The following SPAG6 variants were observed in gnomAD, a reference collection of about 807,000 sequenced individuals.
SPAG6 encodes the protein sperm-associated antigen 6.
In SPAG6, 49 loss-of-function variants were observed where a neutral mutation model predicts 58.5. The ratio of observed to expected loss-of-function variants is 0.84; its 90% CI spans 0.67 to 1.06. The LOEUF (loss-of-function observed/expected upper bound fraction) is 1.06, where lower values mean the gene tolerates loss of function less well. SPAG6 is among the 50% of genes least tolerant of loss of function. SPAG6 has a pLI of 0.00. For synonymous variants in SPAG6, 233 were observed against 225.6 expected (o/e 1.03, Z -0.29); for missense variants, 560 against 611.3 (o/e 0.92, Z 0.89).
intron 3 of SPAG6, among the ~76,000 whole-genome samples, chr10:22,365,232 A>C (rs1430448612): frequency 6.6e-6 from 1 of 152,174 alleles, no homozygotes; most frequent in Admixed American, 6.5e-5. Flanking sequence ...TAAGGAGAAA[A>C]TAGATTTTTT....
chr10:22,361,715 A>G (rs1485850604), intron 2 of SPAG6, among the ~76,000 whole-genome samples: 7 of 152,162 alleles, frequency 4.6e-5, no homozygotes, highest in Admixed American at 1.3e-4. Flanking sequence ...TCCCTTGGGT[A>G]TATGGAATAG....
At position 22,387,898 on chromosome 10, in the gene SPAG6, A is replaced by AT; in HGVS notation, c.759dup (p.Pro254SerfsTer12). 1 of 1,613,422 alleles carries AT rather than the reference A, an allele frequency of 6.2e-7. No individual in the cohort carries two copies. The highest frequency in any genetic ancestry group is 8.5e-7 in the Non-Finnish European group (1 of 1,179,702). ...GGCAGAAATGGTTGTTGAAGCAGAG[A>AT]TTTTTCCAGTTGTACTTACCTGTCT... On this transcript the variant is annotated frameshift_variant, in exon 6 of 11. Coordinates refer to ENST00000376624, the MANE Select transcript of SPAG6 (RefSeq NM_012443.4). LOFTEE classifies it high-confidence loss of function.
At chr10:22,358,494 T>G (rs1482872535) in intron 2 of SPAG6, among the ~76,000 whole-genome samples, 1 of 152,208 alleles carries the variant, frequency 6.6e-6, no homozygotes, top group South Asian at 2.1e-4. Flanking sequence ...CTTTGTCAGA[T>G]GAGTAGGTTG....
chr10:22,408,004 C>T (rs1358951007), intron 9 of SPAG6, among the ~76,000 whole-genome samples: 1 of 141,706 alleles, frequency 7.1e-6, no homozygotes, highest in Non-Finnish European at 1.5e-5. Flanking sequence ...CCTTTAAGCA[C>T]TTCTCTGTAT....
intron 2 of SPAG6, among the ~76,000 whole-genome samples, chr10:22,358,029 G>A (rs1398212643): frequency 6.6e-6 from 1 of 151,990 alleles, no homozygotes; most frequent in East Asian, 1.9e-4. Flanking sequence ...ATGGTGAATA[G>A]TGTCGCAATA....
At chr10:22,367,619 A>G (rs996279540) in intron 3 of SPAG6, among the ~76,000 whole-genome samples, 3 of 152,180 alleles carry the variant, frequency 2.0e-5, no homozygotes, top group Admixed American at 2.0e-4. Flanking sequence ...TTAATAACAG[A>G]AAGAGTTAGG....
chr10:22,369,811 G>A (rs1588646295), intron 4 of SPAG6, among the ~76,000 whole-genome samples: 1 of 152,162 alleles, frequency 6.6e-6, no homozygotes, highest in African/African-American at 2.4e-5. Context: ...CAGAGTGGAC[G>A]ATATGACGTG....
At chr10:22,407,551 CT>C (rs1485908274) in intron 9 of SPAG6, among the ~76,000 whole-genome samples, 5 of 152,154 alleles carry the variant, frequency 3.3e-5, no homozygotes, top group African/African-American at 1.2e-4. Flanking sequence ...CCTGACCTTT[CT>C]CTCTGGCTGC....
intron 4 of SPAG6, among the ~76,000 whole-genome samples, chr10:22,377,280 C>A (rs1022165007): frequency 6.6e-6 from 1 of 152,142 alleles, no homozygotes; most frequent in Non-Finnish European, 1.5e-5. Context: ...GGCCTTCAGG[C>A]GACTGCCCCA....
At chr10:22,371,839 T>A (rs1833704213) in intron 4 of SPAG6, among the ~76,000 whole-genome samples, 1 of 152,130 alleles carries the variant, frequency 6.6e-6, no homozygotes, top group Non-Finnish European at 1.5e-5. Flanking sequence ...AAAACTTATT[T>A]CTATGTAAAG....
At chr10:22,358,374 A>C (rs1170255457) in intron 2 of SPAG6, among the ~76,000 whole-genome samples, 3 of 151,650 alleles carry the variant, frequency 2.0e-5, no homozygotes, top group Admixed American at 1.3e-4. Context: ...TTGGCTGCAT[A>C]AATGTCTTCT....
At chr10:22,357,107 A>G (rs972701155) in intron 2 of SPAG6, among the ~76,000 whole-genome samples, 2 of 152,014 alleles carry the variant, frequency 1.3e-5, no homozygotes, top group African/African-American at 4.8e-5. Flanking sequence ...TCTGGGTGCA[A>G]TACTATTCAA....
At chr10:22,353,043 C>G (rs1267495533) in intron 2 of SPAG6, among the ~76,000 whole-genome samples, 1 of 152,172 alleles carries the variant, frequency 6.6e-6, no homozygotes, top group East Asian at 1.9e-4. Flanking sequence ...GGAGGTGGGA[C>G]TGTACCTTTG....
chr10:22,361,104 G>T, intron 2 of SPAG6: 1 of 390,426 alleles, frequency 2.6e-6, no homozygotes, highest in Non-Finnish European at 4.5e-6. Context: ...AGAAATTTGG[G>T]GTACTATTTT....
intron 3 of SPAG6, among the ~76,000 whole-genome samples, chr10:22,365,877 CT>C (rs1317198033): frequency 6.6e-6 from 1 of 152,064 alleles, no homozygotes; most frequent in African/African-American, 2.4e-5. Flanking sequence ...CACTTCATAC[CT>C]TTTAGGGTGG....
intron 4 of SPAG6, among the ~76,000 whole-genome samples, chr10:22,383,652 A>C (rs754545587): frequency 1.1e-4 from 16 of 152,008 alleles, no homozygotes; most frequent in African/African-American, 4.8e-5. Context: ...AAAAAGAAAG[A>C]AAGAAAATAC....
At chr10:22,413,384 T>A (rs1317652683) in intron 10 of SPAG6, among the ~76,000 whole-genome samples, 2 of 151,916 alleles carry the variant, frequency 1.3e-5, no homozygotes, top group Non-Finnish European at 2.9e-5. Flanking sequence ...ATACAAAAAA[T>A]TAGCCTGGCA....
chr10:22,371,921 T>C (rs1833708945), intron 4 of SPAG6, among the ~76,000 whole-genome samples: 4 of 152,132 alleles, frequency 2.6e-5, no homozygotes, highest in Admixed American at 6.5e-5. Flanking sequence ...GTTTTTTTTT[T>C]CCAACTGTGT....
Position 22,368,582 on chromosome 10 carries a change from GC to G in SPAG6, c.377del (p.Ala126AspfsTer47). ...AGCTCAGGCAATAGTCGATTGTGGA[GC>G]ACTGGATACGCTGGTCATATGCTTG... ...QLAQAIVDCG[A>X]LDTLVICLED... On this transcript the variant is annotated frameshift_variant, in exon 4 of 11. Coordinates refer to ENST00000376624, the MANE Select transcript of SPAG6 (RefSeq NM_012443.4). LOFTEE classifies it high-confidence loss of function. 1 of 1,613,966 alleles carries G rather than the reference GC, an allele frequency of 6.2e-7. No individual in the cohort carries two copies. Among genetic ancestry groups the G allele is most frequent in the Non-Finnish European group, 8.5e-7 (1 of 1,179,936 alleles).
Sources: gnomAD v4.1 joint callset for allele counts (sites outside exome capture counted in the v4.1 genomes callset) on GRCh38, gnomAD v4.1.1 for gene constraint, MANE v1.5 for transcripts, NCBI Gene and HGNC (gene_info 2026-07-23, HGNC 2026-07-21) for gene names.